The following BMPR1A variants were observed in gnomAD, a reference collection of about 807,000 sequenced individuals.
The protein encoded by BMPR1A is bone morphogenetic protein receptor type-1A.
BMPR1A carries 7 observed loss-of-function variants against 66.0 expected under a neutral mutation model. The ratio of observed to expected loss-of-function variants is 0.11; its 90% CI spans 0.06 to 0.20. The LOEUF (loss-of-function observed/expected upper bound fraction) is 0.20, where lower values mean the gene tolerates loss of function less well. Ranked by LOEUF, BMPR1A falls within the 10% of genes least tolerant of loss-of-function variation. The probability of loss-of-function intolerance (pLI) is 1.00; values close to 1 mark genes in which losing one functional copy is unlikely to be tolerated. For synonymous variants in BMPR1A, 200 were observed against 229.7 expected (o/e 0.87, Z 1.17); for missense variants, 408 against 669.1 (o/e 0.61, Z 4.31).
At chr10:86,929,077 TG>T (rs1843784467), downstream of BMPR1A, 1 of 152,108 alleles carries the variant, frequency 6.6e-6, no homozygotes, top group Non-Finnish European at 1.5e-5. Flanking sequence ...GTAATTTCTG[TG>T]CTCAATCCCC....
At chr10:86,788,171 A>G (rs1434929298) in intron 1 of BMPR1A, among the ~76,000 whole-genome samples, 1 of 152,252 alleles carries the variant, frequency 6.6e-6, no homozygotes, top group South Asian at 2.1e-4. Context: ...TGAGTAAGCT[A>G]GTAAACCCAA....
intron 1 of BMPR1A, among the ~76,000 whole-genome samples, chr10:86,813,754 T>G (rs1357602357): frequency 1.3e-5 from 2 of 152,202 alleles, no homozygotes; most frequent in African/African-American, 4.8e-5. Flanking sequence ...TTCGTCCCTG[T>G]GTAGTCGACA....
chr10:86,868,778 G>GTTTTTT (rs55872033), intron 2 of BMPR1A, among the ~76,000 whole-genome samples: 1 of 141,046 alleles, frequency 7.1e-6, no homozygotes, highest in Non-Finnish European at 1.5e-5. Context: ...CTTTTCCTGT[G>GTTTTTT]TTTTTTTTTT....
At chr10:86,774,875 C>G (rs143239337) in intron 1 of BMPR1A, among the ~76,000 whole-genome samples, 23 of 152,280 alleles carry the variant, frequency 1.5e-4, no homozygotes, top group African/African-American at 3.8e-4. Flanking sequence ...TTAAGTAACT[C>G]TTTGTGATAG....
intron 1 of BMPR1A, among the ~76,000 whole-genome samples, chr10:86,770,522 A>G (rs1223094602): frequency 6.6e-6 from 1 of 152,138 alleles, no homozygotes; most frequent in Non-Finnish European, 1.5e-5. Context: ...CCCAGAAGAA[A>G]AGCTATCATT....
intron 3 of BMPR1A, among the ~76,000 whole-genome samples, chr10:86,883,812 A>G (rs898953000): frequency 2.0e-5 from 3 of 151,842 alleles, no homozygotes; most frequent in African/African-American, 7.3e-5. Context: ...AAGGCCACAT[A>G]CTGTGATCAT....
At chr10:86,922,428 A>G (rs947677661) in intron 11 of BMPR1A, among the ~76,000 whole-genome samples, 1 of 152,046 alleles carries the variant, frequency 6.6e-6, no homozygotes, top group African/African-American at 2.4e-5. Flanking sequence ...TAGGAGTGCA[A>G]TTGCTGGCAG....
intron 1 of BMPR1A, among the ~76,000 whole-genome samples, chr10:86,816,849 A>G (rs1013142682): frequency 2.0e-5 from 3 of 152,306 alleles, no homozygotes; most frequent in South Asian, 2.1e-4. Flanking sequence ...CTTTATGGGA[A>G]CAGCACCCAA....
intron 10 of BMPR1A, 121 bp downstream of exon 10, chr10:86,919,590 A>T: frequency 7.5e-7 from 1 of 1,330,336 alleles, no homozygotes; most frequent in Non-Finnish European, 1.0e-6. Context: ...AGTTACATAA[A>T]TGTATAGTTG....
chr10:86,831,712 T>C (rs752419587), intron 1 of BMPR1A, among the ~76,000 whole-genome samples: 4 of 152,138 alleles, frequency 2.6e-5, no homozygotes, highest in Non-Finnish European at 5.9e-5. Context: ...TACAGGGAAT[T>C]AGGATTACAC....
At chr10:86,843,812 A>G (rs1030259688) in intron 2 of BMPR1A, among the ~76,000 whole-genome samples, 2 of 152,252 alleles carry the variant, frequency 1.3e-5, no homozygotes, top group African/African-American at 2.4e-5. Flanking sequence ...TAGCAGTGAC[A>G]TATAAACTAT....
chr10:86,793,289 A>G (rs935596640), intron 1 of BMPR1A, among the ~76,000 whole-genome samples: 1 of 152,012 alleles, frequency 6.6e-6, no homozygotes, highest in African/African-American at 2.4e-5. Flanking sequence ...ATTGAGTTGT[A>G]TAGGGAAGGG....
At position 86,875,879 on chromosome 10, in the gene BMPR1A, A is replaced by G. The variant is rs886047359; in HGVS notation, c.-140A>G. ...TTTTGTCTTTCAGGAGTCGTAAGAA[A>G]GCAGTGGGAGTTGAAGTCATTGTCA... On this transcript the variant is annotated 5_prime_UTR_variant, in exon 3 of 13. Transcript: ENST00000372037. 9.3e-6 allele frequency: 7 copies of G among 751,844 alleles called. No homozygotes were observed. Among genetic ancestry groups the G allele is most frequent in the South Asian group, 1.5e-5 (1 of 66,414 alleles). 46.6% of individuals were successfully genotyped at this position (751,844 alleles called of 1,614,324 possible). A position where few individuals can be genotyped will look rare whatever the true frequency, so the allele number is the denominator to read the frequency against.
intron 10 of BMPR1A, among the ~76,000 whole-genome samples, chr10:86,920,960 A>G (rs1843654295): frequency 6.7e-6 from 1 of 149,916 alleles, no homozygotes; most frequent in Admixed American, 6.7e-5. Context: ...GGTTCAAGTA[A>G]TTTTCGTGCT....
At chr10:86,839,690 T>TA (rs1842399115) in intron 2 of BMPR1A, among the ~76,000 whole-genome samples, 3 of 151,802 alleles carry the variant, frequency 2.0e-5, no homozygotes, top group Admixed American at 1.3e-4. Flanking sequence ...TTTTTTTTTT[T>TA]AAGACAGGAT....
In BMPR1A at chr10:86,794,391, TG is replaced by T. The variant is rs1169536726; in HGVS notation, c.-268+37473del. 8.8e-3 allele frequency among the ~76,000 whole-genome samples: 1,342 copies of T among 152,260 alleles called. 22 individuals carry two copies. The highest frequency in any genetic ancestry group is 0.03 in the African/African-American group (1,228 of 41,540). On this transcript the variant is annotated intron_variant, in intron 1 of 12. Transcript: ENST00000372037. Reference sequence around the variant, plus strand: ...TTGGTGAAATCAAGATAGTAATGCTTGTCTGTATGTACTGAAATAAAGTAAT... The same window carrying T: ...TTGGTGAAATCAAGATAGTAATGCTTTCTGTATGTACTGAAATAAAGTAAT...
rs781458073 is a variant in BMPR1A, at chr10:86,890,090, C to T, written c.96C>T (p.Gly32=). 6.2e-7 allele frequency: 1 copy of T among 1,613,422 alleles called. No homozygotes were observed. The highest frequency in any genetic ancestry group is 8.5e-7 in the Non-Finnish European group (1 of 1,179,982). The change falls in exon 4 of 13, where the codon GGC becomes GGT. Residue 32 remains glycine, a synonymous_variant. Transcript: ENST00000372037. ...AGAATCTGGATAGTATGCTTCATGG[C>T]ACTGGGATGAAATCAGACTCCGACC... ...QGQNLDSMLH[G]TGMKSDSDQK...
At chr10:86,764,464 T>C (rs1045322237) in intron 1 of BMPR1A, among the ~76,000 whole-genome samples, 2 of 149,374 alleles carry the variant, frequency 1.3e-5, no homozygotes, top group African/African-American at 4.9e-5. Context: ...AATAAAAATG[T>C]GGGGGAAAAA....
chr10:86,773,931 A>G (rs1486592015), intron 1 of BMPR1A, among the ~76,000 whole-genome samples: 1 of 151,006 alleles, frequency 6.6e-6, no homozygotes, highest in Non-Finnish European at 1.5e-5. Flanking sequence ...GCTCACTGCA[A>G]CCTGTGCCTC....
Sources: allele counts gnomAD v4.1 joint callset (sites outside exome capture counted in the v4.1 genomes callset), GRCh38; gene constraint gnomAD v4.1.1; transcripts MANE v1.5; gene names NCBI Gene and HGNC (gene_info 2026-07-23, HGNC 2026-07-21).